MBTPS2: variants seen among roughly 807,000 people sequenced by gnomAD.
MBTPS2 encodes membrane bound transcription factor peptidase, site 2.
In MBTPS2, 2 loss-of-function variants were observed where a neutral mutation model predicts 35.4. The observed-to-expected ratio is 0.06, with a 90% confidence interval of 0.02 to 0.18. MBTPS2 has a LOEUF of 0.18. Among genes scored for constraint, MBTPS2 ranks in the 10% least tolerant of loss-of-function variants. The probability of loss-of-function intolerance (pLI) is 1.00; values close to 1 mark genes in which losing one functional copy is unlikely to be tolerated. For missense variants in MBTPS2, 244 were observed against 386.5 expected (o/e 0.63, Z 3.09); for synonymous variants, 125 against 140.4 (o/e 0.89, Z 0.77).
At chrX:21,846,059 A>ATTGGGTT (rs1163762316) in intron 3 of MBTPS2, among the ~76,000 whole-genome samples, 1 of 111,441 alleles carries the variant, frequency 9.0e-6, no homozygotes, top group African/African-American at 3.3e-5. Flanking sequence ...TTAGTAACAG[A>ATTGGGTT]TTGGGTTTTT....
chrX:21,861,699 T>TA (rs781778578), intron 5 of MBTPS2, among the ~76,000 whole-genome samples: 4 of 100,299 alleles, frequency 4.0e-5, no homozygotes, highest in East Asian at 3.3e-4. Context: ...ACTGTCTCTT[T>TA]AAAAAAAACA....
intron 5 of MBTPS2, among the ~76,000 whole-genome samples, chrX:21,866,095 G>A (rs954868999): frequency 6.3e-5 from 7 of 110,959 alleles, no homozygotes; most frequent in African/African-American, 2.0e-4. Flanking sequence ...ATGAGCCACC[G>A]TGCCCGGCCC....
At chrX:21,869,797 AGT>A in intron 7 of MBTPS2, 119 bp downstream of exon 7, 1 of 575,329 alleles carries the variant, frequency 1.7e-6, no homozygotes, top group Non-Finnish European at 2.9e-6. Flanking sequence ...AAATCAGTAA[AGT>A]AAATAGATTC....
At chrX:21,844,612 TG>T (rs2092906571) in intron 2 of MBTPS2, among the ~76,000 whole-genome samples, 1 of 112,737 alleles carries the variant, frequency 8.9e-6, no homozygotes, top group Non-Finnish European at 1.9e-5. Context: ...CCTATAAATT[TG>T]ACAGTTTTAG....
In MBTPS2 at chrX:21,845,324, T is replaced by TTCC; in HGVS notation, c.381_383dup (p.Ser136dup). The stretch of plus-strand genomic sequence containing the variant: ...CTTCCTCTTCCTCCTCTTCTTCCTC[T>TTCC]TCCTCTTCTTCATCTTCTTCCTCTT... On this transcript the variant is annotated inframe_insertion, in exon 3 of 11. Transcript: ENST00000379484. The TTCC allele has an allele frequency of 8.4e-7, 1 of 1,193,376 alleles. No homozygotes were observed. Among genetic ancestry groups the TTCC allele is most frequent in the Non-Finnish European group, 1.1e-6 (1 of 878,985 alleles).
At chrX:21,857,405 C>T in intron 5 of MBTPS2, 10 of 1,212,238 alleles carry the variant, frequency 8.2e-6, no homozygotes, top group Non-Finnish European at 1.1e-5. Flanking sequence ...TCCACACCGG[C>T]GAGAAGCCCT....
At chrX:21,871,923 C>T (rs1390428879) in intron 7 of MBTPS2, 1 of 108,939 alleles carries the variant, frequency 9.2e-6, no homozygotes, top group African/African-American at 3.3e-5. Context: ...AAAAACACTT[C>T]ATAAACAGCG....
chrX:21,841,283 T>C (rs1234668678), intron 1 of MBTPS2, among the ~76,000 whole-genome samples: 1 of 111,544 alleles, frequency 9.0e-6, no homozygotes, highest in Non-Finnish European at 1.9e-5. Flanking sequence ...TAGCCAACCA[T>C]GGTGGTGCAT....
chrX:21,867,029 AAAG>A (rs1416555118), intron 5 of MBTPS2, among the ~76,000 whole-genome samples: 2 of 63,327 alleles, frequency 3.2e-5, no homozygotes, highest in Admixed American at 2.3e-4. Context: ...AAAAAAAAAA[AAAG>A]AAAAAAAGAA....
chrX:21,867,048 A>G (rs1357781988), intron 5 of MBTPS2, among the ~76,000 whole-genome samples: 2 of 110,771 alleles, frequency 1.8e-5, no homozygotes, highest in Non-Finnish European at 3.8e-5. Context: ...AAGAAAAAAA[A>G]TCCTAATTTG....
intron 1 of MBTPS2, chrX:21,841,777 A>G (rs1271455004): frequency 3.6e-5 from 4 of 112,230 alleles, no homozygotes; most frequent in Non-Finnish European, 5.6e-5. Flanking sequence ...GAATGCACCA[A>G]CCTCTGAGCA....
chrX:21,873,930 C>A (rs1165740721), intron 7 of MBTPS2, among the ~76,000 whole-genome samples: 2 of 104,176 alleles, frequency 1.9e-5, no homozygotes. Context: ...TCTTTGCTAT[C>A]CTAAATTGAA....
Position 21,884,681 on chromosome X carries a change from G to T in MBTPS2, c.*2026G>T, listed in dbSNP as rs1022047756. ...GTTTTCTTCTTTAGCTTGGTTGTGG[G>T]CACTTCTACAGCAAGGACCATATCA... On this transcript the variant is annotated 3_prime_UTR_variant, in exon 11 of 11. Coordinates refer to ENST00000379484, the MANE Select transcript of MBTPS2 (RefSeq NM_015884.4). 1 of 719,090 alleles carries T rather than the reference G, an allele frequency of 1.4e-6. No individual in the cohort carries two copies. The highest frequency in any genetic ancestry group is 2.4e-5 in the African/African-American group (1 of 42,546). 59.3% of individuals were successfully genotyped at this position (719,090 alleles called of 1,213,427 possible). A position where few individuals can be genotyped will look rare whatever the true frequency, so the allele number is the denominator to read the frequency against.
At chrX:21,858,932 C>T (rs2092927603) in intron 5 of MBTPS2, among the ~76,000 whole-genome samples, 1 of 101,485 alleles carries the variant, frequency 9.9e-6, no homozygotes, top group South Asian at 4.5e-4. Context: ...AGGGGCTGGG[C>T]GCAGGGCTCC....
intron 5 of MBTPS2, among the ~76,000 whole-genome samples, chrX:21,867,027 A>C (rs1569326722): frequency 9.0e-5 from 7 of 78,198 alleles, no homozygotes; most frequent in Non-Finnish European, 4.8e-5. Context: ...AAAAAAAAAA[A>C]AAAAGAAAAA....
chrX:21,879,743 A>T (rs1235499749), intron 9 of MBTPS2, among the ~76,000 whole-genome samples: 9 of 109,119 alleles, frequency 8.2e-5, no homozygotes, highest in African/African-American at 2.1e-4. Context: ...CTGTTTCTAT[A>T]AATTTGCCTG....
chrX:21,867,714 C>T (rs1371311647), intron 5 of MBTPS2, among the ~76,000 whole-genome samples: 2 of 106,098 alleles, frequency 1.9e-5, no homozygotes, highest in Admixed American at 1.0e-4. Context: ...TCTCAGCTCA[C>T]TGTAGTCTCC....
rs2092963400 is a variant in MBTPS2 at position 21,885,158 on chromosome X, C to T, written c.*2503C>T. 8 of 751,515 alleles carry T rather than the reference C, an allele frequency of 1.1e-5. No individual in the cohort carries two copies. In the South Asian group the frequency reaches 4.1e-4, roughly 39 times the overall value. 61.9% of individuals were successfully genotyped at this position (751,515 alleles called of 1,213,427 possible). Reference sequence around the variant, plus strand: ...GAAAAGACATGCAGTTAAACTTGACCTTTTGATAATCGCTCTTACAGGTCA... The same window carrying T: ...GAAAAGACATGCAGTTAAACTTGACTTTTTGATAATCGCTCTTACAGGTCA... On this transcript the variant is annotated 3_prime_UTR_variant, in exon 11 of 11. Transcript: ENST00000379484.
At chrX:21,871,358 ACT>A (rs891322428) in intron 7 of MBTPS2, 8 of 111,379 alleles carry the variant, frequency 7.2e-5, no homozygotes, top group African/African-American at 2.6e-4. Flanking sequence ...AACTTTTAGG[ACT>A]CTAATATTTT....
Sources: allele counts gnomAD v4.1 joint callset (sites outside exome capture counted in the v4.1 genomes callset), GRCh38; gene constraint gnomAD v4.1.1; transcripts MANE v1.5; gene names NCBI Gene and HGNC (gene_info 2026-07-23, HGNC 2026-07-21).